SNAP47: variants seen among roughly 807,000 people sequenced by gnomAD.
SNAP47 encodes the protein synaptosome associated protein 47.
Under a neutral mutation model 31.4 loss-of-function variants are expected in SNAP47, and 20 were observed. The observed-to-expected ratio is 0.64, with a 90% CI of 0.45 to 0.93. The LOEUF (loss-of-function observed/expected upper bound fraction) is 0.93, where lower values mean the gene tolerates loss of function less well. SNAP47 is among the 40% of genes least tolerant of loss of function. The pLI is 0.00. For synonymous variants in SNAP47, 194 were observed against 213.4 expected, an observed-to-expected ratio of 0.91 and a Z score of 0.79; for missense variants, 492 against 528.5, an observed-to-expected ratio of 0.93 and a Z score of 0.68.
At position 227,775,977 on chromosome 1, in the gene SNAP47, G is replaced by T. The variant is rs1045120789; in HGVS notation, c.1114-4550G>T. 3.2e-6 allele frequency: 4 copies of T among 1,264,924 alleles called. No homozygotes were observed. In the African/African-American group the frequency reaches 6.2e-5, roughly 20 times the overall value. The allele number at this position is 1,264,924 out of a possible 1,614,324, so 78.4% of individuals were successfully genotyped here. A position where few individuals can be genotyped will look rare whatever the true frequency, so the allele number is the denominator to read the frequency against. ...ACAGCGCCCAGGGCATCCTCCTCAC[G>T]GATGTGTTGGAGGAAAGTGGCTTTG... On this transcript the variant is annotated intron_variant, in intron 4 of 4. Coordinates refer to ENST00000617596, the MANE Select transcript of SNAP47 (RefSeq NM_053052.4).
chr1:227,730,805 G>C (rs1483177996), upstream of SNAP47: 1 of 152,334 alleles, frequency 6.6e-6, no homozygotes, highest in African/African-American at 2.4e-5. Flanking sequence ...GCTGCCCTGG[G>C]GTCCACAGTG....
chr1:227,743,123 T>TGA (rs1661725093), intron 1 of SNAP47, among the ~76,000 whole-genome samples: 2 of 152,004 alleles, frequency 1.3e-5, no homozygotes, highest in Non-Finnish European at 2.9e-5. Context: ...GGTGCTCAGG[T>TGA]GAGTATTCCC....
intron 2 of SNAP47, among the ~76,000 whole-genome samples, chr1:227,756,112 G>A (rs900361668): frequency 1.3e-5 from 2 of 152,228 alleles, no homozygotes; most frequent in African/African-American, 4.8e-5. Context: ...ACCTCCTGAG[G>A]CTGTGTCACT....
At chr1:227,754,136 G>A (rs1232026670) in intron 2 of SNAP47, among the ~76,000 whole-genome samples, 1 of 152,216 alleles carries the variant, frequency 6.6e-6, no homozygotes, top group Non-Finnish European at 1.5e-5. Context: ...AAGGGAGATG[G>A]TTTTCCCCTG....
chr1:227,733,041 A>G (rs1379014427), upstream of SNAP47: 2 of 1,613,062 alleles, frequency 1.2e-6, no homozygotes, highest in Non-Finnish European at 8.5e-7. Flanking sequence ...GAAGGGGCAC[A>G]GTGCAGGCAG....
chr1:227,761,870 C>G (rs1181051427), intron 3 of SNAP47, among the ~76,000 whole-genome samples: 3 of 152,168 alleles, frequency 2.0e-5, no homozygotes, highest in Non-Finnish European at 4.4e-5. Flanking sequence ...CTCCTGTGTT[C>G]CGCAGGCTGG....
At chr1:227,780,455 AG>A in intron 4 of SNAP47, 71 bp from the exon 5 acceptor site, 1 of 1,592,358 alleles carries the variant, frequency 6.3e-7, no homozygotes, top group Middle Eastern at 1.7e-4. Flanking sequence ...GGTGTGTGAG[AG>A]GGGGAGATGT....
intron 4 of SNAP47, among the ~76,000 whole-genome samples, chr1:227,767,547 ATGTG>A (rs1364310807): frequency 6.6e-6 from 1 of 151,892 alleles, no homozygotes; most frequent in Non-Finnish European, 1.5e-5. Flanking sequence ...TTGTGAGTAC[ATGTG>A]TGTGTTGTGT....
intron 2 of SNAP47, among the ~76,000 whole-genome samples, chr1:227,756,546 C>T (rs1479041284): frequency 6.6e-6 from 1 of 152,256 alleles, no homozygotes; most frequent in Non-Finnish European, 1.5e-5. Context: ...AGATCAGGCT[C>T]CTGCCTGTCC....
chr1:227,732,493 G>A (rs202108503), upstream of SNAP47: 4 of 1,613,252 alleles, frequency 2.5e-6, no homozygotes, highest in African/African-American at 1.3e-5. Context: ...AAGTCGGGGT[G>A]CGCAACCAAG....
chr1:227,772,345 C>T (rs1173478399), intron 4 of SNAP47, among the ~76,000 whole-genome samples: 2 of 151,894 alleles, frequency 1.3e-5, no homozygotes, highest in Non-Finnish European at 2.9e-5. Context: ...TGCCCCAGCC[C>T]CCCGCCCACC....
chr1:227,766,914 G>C (rs754082489), intron 3 of SNAP47, 45 bp from the exon 4 acceptor site: 2 of 1,608,684 alleles, frequency 1.2e-6, no homozygotes, highest in South Asian at 1.1e-5. Flanking sequence ...GAGGGTTGTT[G>C]CAACTCCGAG....
intron 2 of SNAP47, 74 bp from the exon 3 acceptor site, chr1:227,758,921 G>A (rs953009467): frequency 6.6e-6 from 10 of 1,507,764 alleles, no homozygotes; most frequent in South Asian, 5.5e-5. Context: ...GGTTAAAACC[G>A]TTTTCCAAAA....
chr1:227,744,849 G>T (rs1661855197), intron 1 of SNAP47, among the ~76,000 whole-genome samples: 1 of 152,200 alleles, frequency 6.6e-6, no homozygotes, highest in Admixed American at 6.5e-5. Context: ...AAGCACCTGG[G>T]AGCGCCCTGC....
At chr1:227,777,663 TC>T (rs1664241804) in intron 4 of SNAP47, among the ~76,000 whole-genome samples, 1 of 152,240 alleles carries the variant, frequency 6.6e-6, no homozygotes, top group Non-Finnish European at 1.5e-5. Flanking sequence ...TTATTTGTTT[TC>T]CCTATCATTT....
Position 227,747,926 on chromosome 1 carries a change from A to G in SNAP47, c.190A>G (p.Ile64Val). ...VEIKKEASHF[I>V]FSSITILEKG... The stretch of plus-strand genomic sequence containing the variant: ...GATCAAGAAGGAGGCTTCACATTTT[A>G]TCTTCAGCTCCATCACCATCCTGGA... Residue 64 changes from isoleucine (I) to valine (V), a missense_variant, in exon 2 of 5, where the codon ATC becomes GTC. By Grantham distance (29) the Ile-to-Val change is conservative. Coordinates refer to ENST00000617596, the MANE Select transcript of SNAP47 (RefSeq NM_053052.4). 10 of 1,614,178 alleles carry G rather than the reference A, an allele frequency of 6.2e-6. No homozygotes were observed. Among genetic ancestry groups the G allele is most frequent in the Non-Finnish European group, 7.6e-6 (9 of 1,180,038 alleles).
intron 3 of SNAP47, among the ~76,000 whole-genome samples, chr1:227,764,274 G>C (rs1166314700): frequency 1.3e-5 from 2 of 152,206 alleles, no homozygotes; most frequent in African/African-American, 4.8e-5. Context: ...GCAGCATGCA[G>C]CCTCACCAGG....
chr1:227,731,749 T>A, upstream of SNAP47: 1 of 154,774 alleles, frequency 6.5e-6, no homozygotes, highest in Non-Finnish European at 1.4e-5. Context: ...CAGGCCCAGG[T>A]GAGGATTCAG....
chr1:227,757,021 A>G (rs776588081), intron 2 of SNAP47, among the ~76,000 whole-genome samples: 2 of 152,162 alleles, frequency 1.3e-5, no homozygotes, highest in African/African-American at 4.8e-5. Flanking sequence ...CAGATGAGGG[A>G]CGTCTCAGAT....
Sources: gnomAD v4.1 joint callset for allele counts (sites outside exome capture counted in the v4.1 genomes callset) on GRCh38, gnomAD v4.1.1 for gene constraint, MANE v1.5 for transcripts, NCBI Gene and HGNC (gene_info 2026-07-23, HGNC 2026-07-21) for gene names.